The following ZIM2 variants were observed in gnomAD, a reference collection of about 807,000 sequenced individuals.
ZIM2 encodes zinc finger imprinted 2, also known as zinc finger protein 656.
Under a neutral mutation model 38.6 loss-of-function variants are expected in ZIM2, and 14 were observed. The ratio of observed to expected loss-of-function variants is 0.36; its 90% CI spans 0.24 to 0.57. The LOEUF (loss-of-function observed/expected upper bound fraction) is 0.57, where lower values mean the gene tolerates loss of function less well. Among genes scored for constraint, ZIM2 ranks in the 20% least tolerant of loss-of-function variants. The pLI is 0.81. For synonymous variants in ZIM2, 247 were observed against 245.8 expected, an observed-to-expected ratio of 1.00 and a Z score of -0.04; for missense variants, 680 against 695.1, an observed-to-expected ratio of 0.98 and a Z score of 0.24.
rs56179588 is a variant in ZIM2, at chr19:56,816,643, C to T, written c.490+1103G>A. 1,507 of 1,613,670 alleles carry T rather than the reference C, an allele frequency of 9.3e-4. 1 individual carries two copies. Among genetic ancestry groups the T allele is most frequent in the Non-Finnish European group, 1.2e-3 (1,373 of 1,179,666 alleles). On this transcript the variant is annotated intron_variant, in intron 9 of 12. Coordinates refer to ENST00000629319, the MANE Select transcript of ZIM2 (RefSeq NM_001387356.1). ...AAAGGTTTCCCCGCGCTCACGTTCA[C>T]GTTCACGTTCATGTTCACGCTCATT...
rs202146195 is a variant in ZIM2, at chr19:56,795,038, GTTTCTTTTTTTTCT to G, written c.491-5101_491-5088del. Among the ~76,000 whole-genome samples, 1,228 of 152,178 alleles carry G rather than the reference GTTTCTTTTTTTTCT, an allele frequency of 8.1e-3. 15 individuals carry two copies. Among genetic ancestry groups the G allele is most frequent in the African/African-American group, 0.026 (1,097 of 41,532 alleles). On this transcript the variant is annotated intron_variant, in intron 9 of 12. Transcript: ENST00000629319. ...CCTTTGTGCTTCTTTACATTGGGGT[GTTTCTTTTTTTTCT>G]TTTCTTTTTTTTCTTTTTTTGAGGC...
At chr19:56,800,263 A>G (rs1245248739) in intron 9 of ZIM2, among the ~76,000 whole-genome samples, 1 of 152,230 alleles carries the variant, frequency 6.6e-6, no homozygotes, top group East Asian at 1.9e-4. Flanking sequence ...AAATGCTTGT[A>G]GACAGACTTT....
At chr19:56,840,305 G>T (rs575302930) in intron 1 of ZIM2, among the ~76,000 whole-genome samples, 1 of 152,282 alleles carries the variant, frequency 6.6e-6, no homozygotes, top group African/African-American at 2.4e-5. Context: ...TCAGACCCCG[G>T]ACTGCAAGAT....
intron 9 of ZIM2, chr19:56,811,179 T>C: frequency 1.0e-6 from 1 of 976,182 alleles, no homozygotes; most frequent in Non-Finnish European, 1.2e-6. Context: ...AATGTGATCA[T>C]AAACTTTTTA....
At chr19:56,838,465 CT>C (rs1427000919) in intron 1 of ZIM2, among the ~76,000 whole-genome samples, 1 of 152,180 alleles carries the variant, frequency 6.6e-6, no homozygotes, top group Non-Finnish European at 1.5e-5. Context: ...GGCCCCAGCC[CT>C]TAGCCCCGCC....
chr19:56,816,730 G>A, intron 9 of ZIM2: 1 of 1,614,062 alleles, frequency 6.2e-7, no homozygotes, highest in Non-Finnish European at 8.5e-7. Flanking sequence ...ATGAAGGAAG[G>A]TTTCCTTACA....
chr19:56,837,881 C>G (rs1402220064), intron 1 of ZIM2, among the ~76,000 whole-genome samples: 1 of 152,192 alleles, frequency 6.6e-6, no homozygotes. Context: ...CACGCTCACT[C>G]CTACAGCGCA....
At position 56,817,790 on chromosome 19, in the gene ZIM2, TG is replaced by T. The variant is rs775113538; in HGVS notation, c.445del (p.His149ThrfsTer33). 6.2e-7 allele frequency: 1 copy of T among 1,614,122 alleles called. No homozygotes were observed. ...DDGHSHMTQGHSSRSKRSAYP... is the reference protein window; with the variant it reads ...DDGHSHMTQGXSSRSKRSAYP... The stretch of plus-strand genomic sequence containing the variant: ...GGCACTTCTCTTGGATCTTGATGAG[TG>T]GCCCTGCGTCATGTGGGAGTGGCCA... On this transcript the variant is annotated frameshift_variant, in exon 9 of 13. Transcript: ENST00000629319. LOFTEE classifies it high-confidence loss of function.
At chr19:56,822,496 G>GT (rs11355455) in intron 6 of ZIM2, 6,081 of 328,754 alleles carry the variant, frequency 0.018, no homozygotes, top group East Asian at 0.043. Flanking sequence ...GAAACTTCCA[G>GT]TTTTTTTTTT....
At chr19:56,789,224 A>G (rs917052085) in intron 10 of ZIM2, among the ~76,000 whole-genome samples, 1 of 152,216 alleles carries the variant, frequency 6.6e-6, no homozygotes, top group African/African-American at 2.4e-5. Context: ...TATGCTAAAA[A>G]TTTATTTATA....
Position 56,814,295 on chromosome 19 carries a change from C to T in ZIM2, c.490+3451G>A, listed in dbSNP as rs1304991919. On this transcript the variant is annotated intron_variant, in intron 9 of 12. Transcript: ENST00000629319. The surrounding 1 kb of genome is among the most constrained non-coding windows in gnomAD (Gnocchi z 5.8). Reference sequence around the variant, plus strand: ...TTTAAGCCCTGAATCCTCAGAACTACTTGTGGAACATGGACATTGGCTTCA... The same window carrying T: ...TTTAAGCCCTGAATCCTCAGAACTATTTGTGGAACATGGACATTGGCTTCA... 1 of 1,614,014 alleles carries T rather than the reference C, an allele frequency of 6.2e-7. No individual in the cohort carries two copies. Among genetic ancestry groups the T allele is most frequent in the East Asian group, 2.2e-5 (1 of 44,876 alleles).
At chr19:56,838,474 G>A (rs1174988336) in intron 1 of ZIM2, among the ~76,000 whole-genome samples, 3 of 152,112 alleles carry the variant, frequency 2.0e-5, no homozygotes, top group African/African-American at 7.2e-5. Context: ...CCTTAGCCCC[G>A]CCAGCAGGGC....
intron 9 of ZIM2, 114 bp from the exon 10 acceptor site, chr19:56,790,065 CTA>C: frequency 1.4e-6 from 1 of 728,106 alleles, no homozygotes; most frequent in Non-Finnish European, 2.0e-6. Context: ...AACAGCAGCT[CTA>C]GAGTTCCTAT....
At chr19:56,823,754 G>C (rs764595363) in intron 4 of ZIM2, 75 bp from the exon 5 acceptor site, 1 of 1,510,972 alleles carries the variant, frequency 6.6e-7, no homozygotes, top group Non-Finnish European at 9.2e-7. Context: ...TCCCTGAGCC[G>C]CATCTCCCTG....
At chr19:56,787,274 T>C (rs11672920) in intron 10 of ZIM2, among the ~76,000 whole-genome samples, 13,141 of 152,174 alleles carry the variant, frequency 0.086, 734 homozygotes, top group Admixed American at 0.16. Flanking sequence ...AAAAATCTTT[T>C]TTGGTTTTGT....
chr19:56,780,892 G>C (rs948750828), intron 11 of ZIM2, among the ~76,000 whole-genome samples: 1 of 152,104 alleles, frequency 6.6e-6, no homozygotes, highest in Non-Finnish European at 1.5e-5. Flanking sequence ...CTTCTATTTA[G>C]CCCACTGTAC....
At chr19:56,820,102 C>T (rs946751637) in intron 7 of ZIM2, among the ~76,000 whole-genome samples, 1 of 152,148 alleles carries the variant, frequency 6.6e-6, no homozygotes, top group Non-Finnish European at 1.5e-5. Context: ...ATTGGTTGTT[C>T]GCTTTGTGTT....
At chr19:56,783,015 C>G (rs939575156) in intron 10 of ZIM2, among the ~76,000 whole-genome samples, 3 of 152,026 alleles carry the variant, frequency 2.0e-5, no homozygotes, top group African/African-American at 7.2e-5. Context: ...CTCCAGCCCC[C>G]CAACTACCCT....
chr19:56,831,072 A>G (rs549594038), intron 2 of ZIM2, among the ~76,000 whole-genome samples: 22 of 152,346 alleles, frequency 1.4e-4, no homozygotes, highest in South Asian at 8.3e-4. Context: ...ACAAACTGAT[A>G]ATCCAGTTCT....
Sources: allele counts gnomAD v4.1 joint callset (sites outside exome capture counted in the v4.1 genomes callset), GRCh38; gene constraint gnomAD v4.1.1; non-coding constraint Gnocchi (gnomAD v3.1); transcripts MANE v1.5; gene names NCBI Gene and HGNC (gene_info 2026-07-23, HGNC 2026-07-21).